The following SPOCK1 variants were observed in gnomAD, a reference collection of about 807,000 sequenced individuals.
SPOCK1 encodes testican-1.
A neutral mutation model predicts 55.3 loss-of-function variants in SPOCK1; 23 were observed. The ratio of observed to expected loss-of-function variants is 0.42; its 90% CI spans 0.30 to 0.59. SPOCK1 has a LOEUF of 0.59. Among genes scored for constraint, SPOCK1 ranks in the 20% least tolerant of loss-of-function variants. SPOCK1 has a pLI of 0.22. For missense variants in SPOCK1, 499 were observed against 552.5 expected (o/e 0.90, Z 0.97); for synonymous variants, 226 against 221.0 (o/e 1.02, Z -0.20).
chr5:137,079,698 C>T (rs557808522), intron 5 of SPOCK1, among the ~76,000 whole-genome samples: 2 of 152,284 alleles, frequency 1.3e-5, no homozygotes, highest in East Asian at 1.9e-4. Context: ...CAACATGCAA[C>T]AATTCCTTAA....
At chr5:137,044,191 A>G (rs545843821) in intron 6 of SPOCK1, among the ~76,000 whole-genome samples, 1 of 152,304 alleles carries the variant, frequency 6.6e-6, no homozygotes, top group African/African-American at 2.4e-5. Flanking sequence ...GAAAGTGAGG[A>G]GAGTTGTCTC....
At chr5:136,989,364 G>GAGTCT (rs1267243988) in intron 7 of SPOCK1, among the ~76,000 whole-genome samples, 2 of 152,192 alleles carry the variant, frequency 1.3e-5, no homozygotes, top group African/African-American at 4.8e-5. Context: ...TCGGGATATT[G>GAGTCT]AGTCTACTGT....
chr5:137,240,437 C>G (rs2127099682), intron 3 of SPOCK1, among the ~76,000 whole-genome samples: 1 of 152,246 alleles, frequency 6.6e-6, no homozygotes, highest in African/African-American at 2.4e-5. Flanking sequence ...ATGACCAGAT[C>G]TTGCCAGAAC....
chr5:137,050,647 G>A (rs865863000), intron 6 of SPOCK1, among the ~76,000 whole-genome samples: 12 of 152,094 alleles, frequency 7.9e-5, no homozygotes, highest in African/African-American at 1.9e-4. Context: ...GTTCCTATTC[G>A]GCCATCTTGA....
At chr5:137,167,021 A>C (rs2127055836) in intron 3 of SPOCK1, among the ~76,000 whole-genome samples, 1 of 152,140 alleles carries the variant, frequency 6.6e-6, no homozygotes, top group South Asian at 2.1e-4. Flanking sequence ...AAAGTCATAG[A>C]GTGGCTGAAT....
chr5:137,434,334 C>A (rs1342677053), intron 2 of SPOCK1, among the ~76,000 whole-genome samples: 1 of 152,120 alleles, frequency 6.6e-6, no homozygotes, highest in Non-Finnish European at 1.5e-5. Context: ...TTCCAATGAT[C>A]TTTGATAGAT....
At chr5:137,099,467 T>C (rs557206507) in intron 5 of SPOCK1, among the ~76,000 whole-genome samples, 18 of 152,264 alleles carry the variant, frequency 1.2e-4, no homozygotes, top group Admixed American at 9.2e-4. Flanking sequence ...TTCTCTGTTA[T>C]AAAAGTTTCA....
At chr5:137,074,519 TTTTG>T (rs565644601) in intron 5 of SPOCK1, among the ~76,000 whole-genome samples, 1 of 152,100 alleles carries the variant, frequency 6.6e-6, no homozygotes, top group Non-Finnish European at 1.5e-5. Flanking sequence ...AATCTTTTTG[TTTTG>T]TTTGTGTTTT....
intron 2 of SPOCK1, among the ~76,000 whole-genome samples, chr5:137,276,684 G>T (rs1757073630): frequency 6.6e-6 from 1 of 152,194 alleles, no homozygotes; most frequent in South Asian, 2.1e-4. Flanking sequence ...ATGACCTGGA[G>T]GTTTCTGAGG....
At position 136,977,748 on chromosome 5, in the gene SPOCK1, C is replaced by CTCAA. The variant is rs1373788127; in HGVS notation, c.*902_*905dup. On this transcript the variant is annotated 3_prime_UTR_variant, in exon 11 of 11. Transcript: ENST00000394945. ...TGATTTAGGCAGACGGAGGTTTTTT[C>CTCAA]TCAATCAGAGGCTTTCAGTAACTCT... 19 of 398,850 alleles carry CTCAA rather than the reference C, an allele frequency of 4.8e-5. No homozygotes were observed. In the East Asian group the frequency reaches 6.1e-4, roughly 13 times the overall value. The allele number at this position is 398,850 out of a possible 1,614,324, so 24.7% of individuals were successfully genotyped here. A position where few individuals can be genotyped will look rare whatever the true frequency, so the allele number is the denominator to read the frequency against.
intron 3 of SPOCK1, among the ~76,000 whole-genome samples, chr5:137,204,174 A>G (rs1364548579): frequency 2.0e-5 from 3 of 152,234 alleles, no homozygotes; most frequent in Non-Finnish European, 4.4e-5. Context: ...ATCAATCAAT[A>G]TCATGCCTAC....
At chr5:137,310,117 A>C (rs1230278815) in intron 2 of SPOCK1, among the ~76,000 whole-genome samples, 2 of 152,194 alleles carry the variant, frequency 1.3e-5, no homozygotes, top group Non-Finnish European at 2.9e-5. Context: ...TGTGTGTCTC[A>C]GCCAAGTTAC....
At chr5:137,384,725 C>T in intron 2 of SPOCK1, among the ~76,000 whole-genome samples, 1 of 151,974 alleles carries the variant, frequency 6.6e-6, no homozygotes, top group East Asian at 1.9e-4. Flanking sequence ...AGTAAAACTC[C>T]AATCTCTCCC....
rs1489525528 is a variant in SPOCK1, at chr5:137,232,489, A to G, written c.232+34521T>C. ...CACCTTTGTCAAAAAGCAGTTGAGT[A>G]TATTTGCCTGGCTCTCTTTCTGGGT... On this transcript the variant is annotated intron_variant, in intron 3 of 10. Transcript: ENST00000394945. Among the ~76,000 whole-genome samples, 6 of 152,182 alleles carry G rather than the reference A, an allele frequency of 3.9e-5. No individual in the cohort carries two copies. The East Asian group carries it at 5.8e-4, about 15-fold the overall frequency.
chr5:137,260,409 CA>C (rs1158417078), intron 3 of SPOCK1, among the ~76,000 whole-genome samples: 1 of 152,066 alleles, frequency 6.6e-6, no homozygotes, highest in African/African-American at 2.4e-5. Context: ...ACCTCAAAAG[CA>C]ATGTTAAGTG....
rs1428002494 is a variant in SPOCK1, at chr5:137,267,022, G to T, written c.220C>A (p.Pro74Thr). 6.8e-6 allele frequency: 11 copies of T among 1,612,648 alleles called. No homozygotes were observed. The highest frequency in any genetic ancestry group is 9.3e-6 in the Non-Finnish European group (11 of 1,178,908). Residue 74 changes from proline (P) to threonine (T), a missense_variant, in exon 3 of 11, where the codon CCC becomes ACC. Pro to Thr is a conservative substitution (Grantham distance 38). Coordinates refer to ENST00000394945, the MANE Select transcript of SPOCK1 (RefSeq NM_004598.4). ...DYFRNWNPNK[P>T]FDQALDPSKD... ...TTGCATCCATTACCTTGGTCAAAGG[G>T]CTTGTTGGGATTCCAGTTTCTGAAA...
chr5:137,182,293 C>A (rs1754984221), intron 3 of SPOCK1, among the ~76,000 whole-genome samples: 1 of 152,150 alleles, frequency 6.6e-6, no homozygotes, highest in African/African-American at 2.4e-5. Flanking sequence ...CCTCACACAC[C>A]ACCGGGTCTT....
intron 9 of SPOCK1, among the ~76,000 whole-genome samples, chr5:136,984,583 T>C (rs1227624965): frequency 1.3e-5 from 2 of 152,168 alleles, no homozygotes; most frequent in Non-Finnish European, 2.9e-5. Flanking sequence ...AAGTTGTGCA[T>C]GTTAGGGGAA....
chr5:137,306,788 C>T (rs75773310), intron 2 of SPOCK1, among the ~76,000 whole-genome samples: 2,228 of 151,684 alleles, frequency 0.015, 20 homozygotes, highest in Non-Finnish European at 0.022. Flanking sequence ...TTTATTTTCT[C>T]AGCCTAAACA....
Sources: allele counts gnomAD v4.1 joint callset (sites outside exome capture counted in the v4.1 genomes callset), GRCh38; gene constraint gnomAD v4.1.1; transcripts MANE v1.5; gene names NCBI Gene and HGNC (gene_info 2026-07-23, HGNC 2026-07-21).